The following RAB38 variants were observed in gnomAD, a reference collection of about 807,000 sequenced individuals.
RAB38 encodes RAB38, member RAS oncogene family.
Under a neutral mutation model 18.4 loss-of-function variants are expected in RAB38, and 15 were observed. The observed-to-expected ratio is 0.82, with a 90% confidence interval of 0.55 to 1.26. The LOEUF is 1.26. RAB38 is among the 50% of genes most tolerant of loss of function. RAB38 has a pLI of 0.00. For synonymous variants in RAB38, 101 were observed against 104.4 expected, an observed-to-expected ratio of 0.97 and a Z score of 0.20; for missense variants, 294 against 267.4, an observed-to-expected ratio of 1.10 and a Z score of -0.69.
the RAB38 span, among the ~76,000 whole-genome samples, chr11:87,943,832 A>G: frequency 6.6e-6 from 1 of 152,104 alleles, no homozygotes; most frequent in East Asian, 1.9e-4. Context: ...GAAAAGAACT[A>G]TAGTTCTACA....
the RAB38 span, among the ~76,000 whole-genome samples, chr11:88,091,849 G>T: frequency 6.6e-6 from 1 of 151,884 alleles, no homozygotes; most frequent in Non-Finnish European, 1.5e-5. Context: ...CAGGTAGTGT[G>T]CCCAGAGCCA....
the RAB38 span, among the ~76,000 whole-genome samples, chr11:87,886,409 G>A: frequency 1.6e-4 from 25 of 151,962 alleles, no homozygotes; most frequent in East Asian, 4.9e-3. Context: ...GAGCCTGCAC[G>A]TTGTTAGAGT....
chr11:87,805,619 A>ATG, the RAB38 span, among the ~76,000 whole-genome samples: 2,227 of 136,836 alleles, frequency 0.016, 23 homozygotes, highest in Non-Finnish European at 0.023. Context: ...ACACACACAC[A>ATG]CACGCACACA....
At chr11:87,941,212 G>GATATATATATATAT in the RAB38 span, among the ~76,000 whole-genome samples, 1,324 of 37,386 alleles carry the variant, frequency 0.035, 133 homozygotes, top group Admixed American at 0.054. Flanking sequence ...ATAAATATAT[G>GATATATATATATAT]AGATATATAT....
At chr11:87,910,633 C>CTTTTTTTTTTTT in the RAB38 span, among the ~76,000 whole-genome samples, 2 of 131,178 alleles carry the variant, frequency 1.5e-5, no homozygotes, top group Non-Finnish European at 3.1e-5. Context: ...AGTTCATTTT[C>CTTTTTTTTTTTT]TTTTTTTTTT....
At chr11:88,085,938 C>T in the RAB38 span, among the ~76,000 whole-genome samples, 5 of 151,896 alleles carry the variant, frequency 3.3e-5, no homozygotes, top group Non-Finnish European at 7.4e-5. Flanking sequence ...ACAAAATCTA[C>T]AGAAGAGAAA....
chr11:87,930,972 G>A, the RAB38 span, among the ~76,000 whole-genome samples: 1 of 152,128 alleles, frequency 6.6e-6, no homozygotes, highest in African/African-American at 2.4e-5. Flanking sequence ...CTGTAGCCTT[G>A]TAGCATAGTT....
chr11:87,937,281 G>T, the RAB38 span, among the ~76,000 whole-genome samples: 1 of 132,510 alleles, frequency 7.5e-6, no homozygotes, highest in East Asian at 2.3e-4. Flanking sequence ...AACCAGCCTT[G>T]CATTCCTCAA....
At chr11:88,021,676 T>C in the RAB38 span, among the ~76,000 whole-genome samples, 8 of 148,446 alleles carry the variant, frequency 5.4e-5, no homozygotes, top group Admixed American at 5.4e-4. Flanking sequence ...CTGCAACCTC[T>C]GCCTCTCGGG....
the RAB38 span, among the ~76,000 whole-genome samples, chr11:87,889,547 A>C: frequency 6.6e-6 from 1 of 151,920 alleles, no homozygotes; most frequent in African/African-American, 2.4e-5. Context: ...ATAATTTTTG[A>C]GTAGCTACTA....
At chr11:87,811,435 T>C in the RAB38 span, among the ~76,000 whole-genome samples, 4 of 152,204 alleles carry the variant, frequency 2.6e-5, no homozygotes, top group Non-Finnish European at 5.9e-5. Context: ...CTGTAACAAA[T>C]TCATGAATAT....
the RAB38 span, among the ~76,000 whole-genome samples, chr11:87,957,336 C>T: frequency 2.6e-5 from 4 of 151,940 alleles, no homozygotes; most frequent in South Asian, 6.2e-4. Context: ...AAGGTAATAA[C>T]TTTTTCTCAT....
chr11:87,878,373 C>G, the RAB38 span, among the ~76,000 whole-genome samples: 1 of 150,000 alleles, frequency 6.7e-6, no homozygotes, highest in Non-Finnish European at 1.5e-5. Context: ...ATCTATCTAT[C>G]GAGAGAGAAT....
At chr11:87,893,570 T>C in the RAB38 span, among the ~76,000 whole-genome samples, 2 of 151,096 alleles carry the variant, frequency 1.3e-5, 1 homozygote, top group South Asian at 4.2e-4. Context: ...AAGCATATGG[T>C]TCAGTAGTGT....
At chr11:88,069,245 G>C in the RAB38 span, among the ~76,000 whole-genome samples, 48,074 of 152,122 alleles carry the variant, frequency 0.32, 8,318 homozygotes, top group South Asian at 0.4. Flanking sequence ...CAGCCCACCC[G>C]TGCTGTGCTC....
the RAB38 span, among the ~76,000 whole-genome samples, chr11:88,028,872 T>G: frequency 1.1e-4 from 16 of 151,888 alleles, no homozygotes; most frequent in African/African-American, 3.4e-4. Context: ...TCAGGAAATA[T>G]AGAGAATGCC....
the RAB38 span, among the ~76,000 whole-genome samples, chr11:88,090,492 C>A: frequency 1.3e-5 from 2 of 151,688 alleles, no homozygotes; most frequent in Non-Finnish European, 2.9e-5. Flanking sequence ...GGTAGCAAGT[C>A]ATTACAAAAG....
the RAB38 span, among the ~76,000 whole-genome samples, chr11:88,034,219 A>G: frequency 7.9e-5 from 12 of 152,074 alleles, no homozygotes; most frequent in Admixed American, 4.6e-4. Flanking sequence ...GTAATATTCC[A>G]TGGTAAGAAT....
the RAB38 span, among the ~76,000 whole-genome samples, chr11:87,844,692 A>G: frequency 2.0e-5 from 3 of 152,154 alleles, no homozygotes; most frequent in African/African-American, 7.2e-5. Context: ...ATCTATAATG[A>G]CTAATTTATA....
Sources: allele counts gnomAD v4.1 joint callset (sites outside exome capture counted in the v4.1 genomes callset), GRCh38; gene constraint gnomAD v4.1.1; transcripts MANE v1.5; gene names NCBI Gene and HGNC (gene_info 2026-07-23, HGNC 2026-07-21).